Variants in DNAH5 observed in about 807,000 individuals in gnomAD.
The protein encoded by DNAH5 is dynein axonemal heavy chain 5.
Under a neutral mutation model 518.2 loss-of-function variants are expected in DNAH5, and 372 were observed. The ratio of observed to expected loss-of-function variants is 0.72; its 90% CI spans 0.66 to 0.78. DNAH5 has a LOEUF of 0.78. Ranked by LOEUF, DNAH5 falls within the 30% of genes least tolerant of loss-of-function variation. The probability of loss-of-function intolerance (pLI) is 0.00; values close to 1 mark genes in which losing one functional copy is unlikely to be tolerated. For missense variants in DNAH5, 5,523 were observed against 5,687.0 expected (o/e 0.97, Z 0.93); for synonymous variants, 2,039 against 2,025.9 (o/e 1.01, Z -0.17).
At chr5:13,934,907 C>A (rs1339763347) in intron 1 of DNAH5, among the ~76,000 whole-genome samples, 2 of 152,106 alleles carry the variant, frequency 1.3e-5, no homozygotes, top group African/African-American at 4.8e-5. Flanking sequence ...AAACTTTTTT[C>A]AAATGTCACT....
At chr5:13,965,541 T>C (rs2152051636) in intron 1 of DNAH5, among the ~76,000 whole-genome samples, 1 of 152,332 alleles carries the variant, frequency 6.6e-6, no homozygotes, top group East Asian at 1.9e-4. Context: ...AGACACGCTT[T>C]GTTTAAGGCA....
chr5:13,857,476 T>C (rs1235252571), intron 30 of DNAH5, among the ~76,000 whole-genome samples: 2 of 152,230 alleles, frequency 1.3e-5, no homozygotes. Context: ...CCCATCAAGC[T>C]ACCATTGACT....
intron 70 of DNAH5, among the ~76,000 whole-genome samples, chr5:13,724,049 G>A (rs889870462): frequency 3.3e-5 from 5 of 152,294 alleles, no homozygotes; most frequent in Non-Finnish European, 7.4e-5. Flanking sequence ...GCCCCACTGC[G>A]GTAGGCATGG....
chr5:13,807,684 T>C lies in DNAH5; in HGVS notation c.7794A>G (p.Val2598=), dbSNP rs1290009043. The change falls in exon 47 of 79, where the codon GTA becomes GTG. Residue 2598 remains valine (V), a synonymous_variant. Transcript: ENST00000265104. ...ATTTTGACATAAATCCTTTAATTAT[T>C]ACTGTTTTGGCTGTTCCTTGTTCAC... ...LIGEQGTAKT[V]IIKGFMSKYD... is the part of the protein sequence containing the mutation. The C allele has an allele frequency of 6.2e-7, 1 of 1,609,602 alleles. No homozygotes were observed. Among genetic ancestry groups the C allele is most frequent in the African/African-American group, 1.3e-5 (1 of 74,824 alleles).
At chr5:13,713,612 TCTCA>T (rs1743910829) in intron 75 of DNAH5, among the ~76,000 whole-genome samples, 2 of 150,742 alleles carry the variant, frequency 1.3e-5, no homozygotes, top group South Asian at 4.2e-4. Flanking sequence ...AATCATATGT[TCTCA>T]CTGATATGTG....
At chr5:13,911,350 C>T (rs752126382) in intron 12 of DNAH5, 36 bp downstream of exon 12, 153 of 1,524,204 alleles carry the variant, frequency 1.0e-4, no homozygotes, top group Non-Finnish European at 1.3e-4. Context: ...AAAATAAACA[C>T]ACGACTGTCA....
At chr5:13,702,795 A>T (rs1049829075) in intron 76 of DNAH5, among the ~76,000 whole-genome samples, 4 of 152,120 alleles carry the variant, frequency 2.6e-5, no homozygotes. Context: ...TACTCACTAT[A>T]TGCTGCCTGC....
intron 32 of DNAH5, 73 bp from the exon 33 acceptor site, chr5:13,841,977 G>A (rs1388541160): frequency 2.2e-6 from 2 of 919,672 alleles, no homozygotes; most frequent in Non-Finnish European, 3.4e-6. Context: ...TTATTGACTT[G>A]TCCTTCCCAA....
intron 1 of DNAH5, among the ~76,000 whole-genome samples, chr5:14,010,035 T>C (rs891654414): frequency 2.0e-5 from 3 of 152,242 alleles, no homozygotes; most frequent in African/African-American, 4.8e-5. Context: ...ATCAATATTT[T>C]GGTGTATGTC....
At chr5:14,010,444 A>C (rs1356798936) in intron 1 of DNAH5, among the ~76,000 whole-genome samples, 1 of 152,198 alleles carries the variant, frequency 6.6e-6, no homozygotes, top group Non-Finnish European at 1.5e-5. Flanking sequence ...AAAACTTGGT[A>C]AATTTATGTA....
rs1561469488 is a variant in DNAH5, at chr5:13,867,948, C to T, written c.3879G>A (p.Arg1293=). Residue 1293 remains arginine (R), a synonymous_variant, in exon 25 of 79, where the codon AGG becomes AGA. Coordinates refer to ENST00000265104, the MANE Select transcript of DNAH5 (RefSeq NM_001369.3). ...GTGTATCAACTTTGTCTATCTCTTC[C>T]CTTGCTATCAGAAGTCCATATCTGT... ...LLNRYGLLIA[R]EEIDKVDTLH... is the part of the protein sequence containing the mutation. 1 of 1,614,034 alleles carries T rather than the reference C, an allele frequency of 6.2e-7. No individual in the cohort carries two copies. The highest frequency in any genetic ancestry group is 2.2e-5 in the East Asian group (1 of 44,884).
Position 13,794,048 on chromosome 5 carries a change from T to C in DNAH5, c.7898A>G (p.Glu2633Gly). The change falls in exon 48 of 79, where the codon GAG (glutamate) becomes GGG (glycine). Residue 2633 changes from glutamate to glycine, a missense_variant. Transcript: ENST00000265104. ...ACCCATTCGTTTATCCACATAGCTC[T>C]CTATCGTCCTCTGTGAAAAAAAAAT... is the stretch of plus-strand genomic sequence containing the variant. ...TTPLMFQRTI[E>G]SYVDKRMGTT... 11 of 1,614,098 alleles carry C rather than the reference T, an allele frequency of 6.8e-6. No homozygotes were observed. The highest frequency in any genetic ancestry group is 9.3e-6 in the Non-Finnish European group (11 of 1,179,994).
At chr5:13,748,471 G>A (rs1304305428) in intron 65 of DNAH5, among the ~76,000 whole-genome samples, 1 of 152,148 alleles carries the variant, frequency 6.6e-6, no homozygotes, top group Non-Finnish European at 1.5e-5. Context: ...ACTTTGGGCA[G>A]TATGGCCATT....
intron 73 of DNAH5, 56 bp from the exon 74 acceptor site, chr5:13,716,746 C>T (rs1744334562): frequency 8.1e-7 from 1 of 1,228,638 alleles, no homozygotes; most frequent in South Asian, 1.2e-5. Flanking sequence ...ATTATTATTT[C>T]CCTGCCAAGT....
At chr5:13,958,956 T>TTTGTTG (rs112550386) in intron 1 of DNAH5, among the ~76,000 whole-genome samples, 5,487 of 151,984 alleles carry the variant, frequency 0.036, 120 homozygotes, top group Middle Eastern at 0.11. Context: ...CAACAGCCTT[T>TTTGTTG]TTGTTGTTGT....
chr5:13,923,805 A>G (rs1267609572), intron 3 of DNAH5, among the ~76,000 whole-genome samples: 1 of 152,180 alleles, frequency 6.6e-6, no homozygotes, highest in African/African-American at 2.4e-5. Flanking sequence ...GCACTTTGAG[A>G]GGCCGAGGCG....
intron 60 of DNAH5, among the ~76,000 whole-genome samples, chr5:13,761,488 G>A (rs1305818205): frequency 6.6e-6 from 1 of 151,914 alleles, no homozygotes; most frequent in East Asian, 1.9e-4. Context: ...AGCTACTCGG[G>A]AGGCTGAGGC....
chr5:14,003,896 G>A (rs1013483241), intron 1 of DNAH5, among the ~76,000 whole-genome samples: 2 of 152,148 alleles, frequency 1.3e-5, no homozygotes, highest in Non-Finnish European at 2.9e-5. Context: ...AGAGAGAGAG[G>A]TGCTGGATCA....
upstream of DNAH5, among the ~76,000 whole-genome samples, chr5:13,946,758 A>AC (rs1779957212): frequency 6.6e-6 from 1 of 152,170 alleles, no homozygotes. Flanking sequence ...TAGACAATGG[A>AC]CCTCATGTGG....
Sources: allele counts gnomAD v4.1 joint callset (sites outside exome capture counted in the v4.1 genomes callset), GRCh38; gene constraint gnomAD v4.1.1; transcripts MANE v1.5; gene names NCBI Gene and HGNC (gene_info 2026-07-23, HGNC 2026-07-21).